ZNF117: variants seen among roughly 807,000 people sequenced by gnomAD.
ZNF117 encodes Krueppel-related zinc finger protein.
Under a neutral mutation model 41.2 loss-of-function variants are expected in ZNF117, and 37 were observed. The observed-to-expected ratio is 0.90, with a 90% CI of 0.69 to 1.18. The LOEUF (loss-of-function observed/expected upper bound fraction) is 1.18. Ranked by LOEUF, ZNF117 falls within the 50% of genes most tolerant of loss-of-function variation. The pLI, the probability that ZNF117 is intolerant of heterozygous loss-of-function variation, is 0.00. For missense variants in ZNF117, 546 were observed against 557.5 expected (o/e 0.98, Z 0.21); for synonymous variants, 186 against 186.6 (o/e 1.00, Z 0.02).
chr7:64,986,394 A>G (rs2129120582), upstream of ZNF117, among the ~76,000 whole-genome samples: 1 of 152,342 alleles, frequency 6.6e-6, no homozygotes, highest in Admixed American at 6.5e-5. Context: ...ATTGTCTGTC[A>G]GTGAATCTGC....
rs1254568658 is a variant in ZNF117 at position 64,979,440 on chromosome 7, T to C, written c.131A>G (p.Tyr44Cys). ...GCCTTTTCTTAACTGTAAATTCTCA[T>C]ATCCACATTTTCTATATCTTCTTAG... is the stretch of plus-strand genomic sequence containing the variant. Residue 44 changes from tyrosine (Y) to cysteine (C), a missense_variant, in exon 3 of 3, where the codon TAT (tyrosine) becomes TGT (cysteine). Physicochemically the swap from Tyr to Cys is radical, Grantham distance 194. Transcript: ENST00000620222. 2.4e-5 allele frequency: 38 copies of C among 1,610,066 alleles called. No homozygotes were observed. Among genetic ancestry groups the C allele is most frequent in the Non-Finnish European group, 3.2e-5 (38 of 1,178,236 alleles).
exon 3 of ZNF117, chr7:64,979,118 G>T (rs746643280): frequency 7.4e-6 from 12 of 1,612,078 alleles, no homozygotes; most frequent in Non-Finnish European, 1.0e-5. Flanking sequence ...GTTTATTAAG[G>T]GTTGAGGACC....
chr7:64,977,791 A>T, exon 3 of ZNF117: 1 of 986,958 alleles, frequency 1.0e-6, no homozygotes, highest in Non-Finnish European at 1.6e-6. Context: ...AACTGGTTAA[A>T]AGCTTTTCCA....
chr7:64,984,094 T>C (rs1404704372), upstream of ZNF117, among the ~76,000 whole-genome samples: 1 of 152,208 alleles, frequency 6.6e-6, no homozygotes, highest in Non-Finnish European at 1.5e-5. Context: ...AGCCATTAAA[T>C]GAGAGATCTA....
exon 3 of ZNF117, chr7:64,978,606 T>G: frequency 6.2e-7 from 1 of 1,607,310 alleles, no homozygotes; most frequent in South Asian, 1.1e-5. Flanking sequence ...TTTTTTATGG[T>G]CAGTAAGATT....
chr7:64,978,589 T>A lies in ZNF117; in HGVS notation c.982A>T (p.Thr328Ser). Residue 328 changes from threonine to serine, a missense_variant, in exon 3 of 3, where the codon ACT becomes TCT. Physicochemically the swap from Thr to Ser is moderately conservative, Grantham distance 58. Transcript: ENST00000620222. ...TCACATTTGTAGGGTTTCTCTCCAGTATGAATTTTTTTATGGTCAGTAAGA... is the reference window on the plus strand; with the variant it reads ...TCACATTTGTAGGGTTTCTCTCCAGAATGAATTTTTTTATGGTCAGTAAGA... 5 of 1,612,870 alleles carry A rather than the reference T, an allele frequency of 3.1e-6. No individual in the cohort carries two copies. The East Asian group carries it at 6.7e-5, about 22-fold the overall frequency.
At chr7:64,981,126 G>T (rs1584049811) in intron 2 of ZNF117, 1 of 415,212 alleles carries the variant, frequency 2.4e-6, no homozygotes, top group Non-Finnish European at 4.2e-6. Context: ...GTCAGATTGT[G>T]CAGTCTTTTA....
At chr7:64,977,900 G>T in exon 3 of ZNF117, 1 of 1,210,582 alleles carries the variant, frequency 8.3e-7, no homozygotes, top group Non-Finnish European at 1.2e-6. Context: ...CTTCACATTT[G>T]TAGGGTTTCT....
downstream of ZNF117, chr7:64,971,794 T>C (rs1785788618): frequency 6.6e-6 from 1 of 151,996 alleles, no homozygotes. Flanking sequence ...GTGACTTTTA[T>C]TATTTAACCT....
chr7:64,975,732 T>C (rs1176082744), exon 3 of ZNF117: 1 of 152,172 alleles, frequency 6.6e-6, no homozygotes, highest in Non-Finnish European at 1.5e-5. Context: ...TATATATAAA[T>C]AATTTATCTA....
chr7:64,977,428 G>A, exon 3 of ZNF117: 1 of 443,150 alleles, frequency 2.3e-6, no homozygotes, highest in South Asian at 1.8e-5. Flanking sequence ...ATTTTCTTAT[G>A]TGTAGTAAGT....
exon 3 of ZNF117, chr7:64,979,228 G>T (rs1252683752): frequency 6.2e-7 from 1 of 1,608,936 alleles, no homozygotes; most frequent in South Asian, 1.1e-5. Context: ...AATGTTTTGC[G>T]ACATTCTTTA....
chr7:64,986,700 T>C (rs115344862), upstream of ZNF117, among the ~76,000 whole-genome samples: 1,111 of 152,324 alleles, frequency 7.3e-3, 12 homozygotes, highest in African/African-American at 0.024. Context: ...ACCAAAAGGA[T>C]AGGTGGGTTT....
exon 3 of ZNF117, chr7:64,974,682 A>G (rs1243768801): frequency 1.3e-5 from 2 of 151,944 alleles, no homozygotes; most frequent in East Asian, 3.8e-4. Flanking sequence ...AAAGAAAAAT[A>G]CATAACAAAA....
exon 3 of ZNF117, chr7:64,978,948 A>T (rs149903487): frequency 6.2e-7 from 1 of 1,613,440 alleles, no homozygotes; most frequent in Non-Finnish European, 8.5e-7. Context: ...ATGTGTAGTA[A>T]GGGTCGATGA....
chr7:64,974,081 C>T (rs1247406110), downstream of ZNF117: 1 of 151,786 alleles, frequency 6.6e-6, no homozygotes, highest in Non-Finnish European at 1.5e-5. Context: ...AATAAATTTA[C>T]TTATGTCAAT....
chr7:64,977,841 T>A, exon 3 of ZNF117: 4 of 1,061,256 alleles, frequency 3.8e-6, no homozygotes, highest in Admixed American at 1.8e-5. Flanking sequence ...AATATGAATT[T>A]TCTTATGTTT....
chr7:64,978,828 C>G, exon 3 of ZNF117: 1 of 1,613,256 alleles, frequency 6.2e-7, no homozygotes. Context: ...ACATTCATAA[C>G]GTTTCTCTCC....
At chr7:64,978,445 G>T (rs1367736378) in exon 3 of ZNF117, 5 of 1,613,454 alleles carry the variant, frequency 3.1e-6, no homozygotes, top group Non-Finnish European at 4.2e-6. Context: ...TGTGTATTAA[G>T]GGCTGAGGAC....
Sources: gnomAD v4.1 joint callset for allele counts (sites outside exome capture counted in the v4.1 genomes callset) on GRCh38, gnomAD v4.1.1 for gene constraint, MANE v1.5 for transcripts, NCBI Gene and HGNC (gene_info 2026-07-23, HGNC 2026-07-21) for gene names.